Variants in TBCD observed in about 807,000 individuals in gnomAD.
The protein encoded by TBCD is tubulin folding cofactor D.
Under a neutral mutation model 169.3 loss-of-function variants are expected in TBCD, and 105 were observed. The observed-to-expected ratio is 0.62, with a 90% CI of 0.53 to 0.73. TBCD has a LOEUF of 0.73. Among genes scored for constraint, TBCD ranks in the 30% least tolerant of loss-of-function variants. The pLI is 0.00. For synonymous variants in TBCD, 700 were observed against 643.9 expected (o/e 1.09, Z -1.32); for missense variants, 1,444 against 1,600.1 (o/e 0.90, Z 1.66).
At position 82,927,886 on chromosome 17, in the gene TBCD, C is replaced by G. The variant is rs1319462598; in HGVS notation, c.2610-19C>G. 1.2e-6 allele frequency: 2 copies of G among 1,611,016 alleles called. No homozygotes were observed. The highest frequency in any genetic ancestry group is 2.2e-5 in the South Asian group (2 of 91,026). ...CCCCCTCTCAAGCTGGGTGTCTCTG[C>G]CTCTCCTTGTCCCATCAGGGTCCGC... On this transcript the variant is annotated intron_variant, in intron 29 of 38. Transcript: ENST00000355528.
chr17:82,800,126 C>A (rs191874328), intron 8 of TBCD, among the ~76,000 whole-genome samples: 5 of 151,822 alleles, frequency 3.3e-5, no homozygotes, highest in African/African-American at 1.2e-4. Context: ...TTTCTCCTGT[C>A]CCCTGTCAGT....
chr17:82,814,181 T>C (rs1249438808), intron 12 of TBCD, among the ~76,000 whole-genome samples: 1 of 152,252 alleles, frequency 6.6e-6, no homozygotes, highest in Non-Finnish European at 1.5e-5. Flanking sequence ...TAGCATTTAA[T>C]TCTGAGTTTG....
At chr17:82,771,944 AAAAC>A (rs2048333390) in intron 5 of TBCD, among the ~76,000 whole-genome samples, 1 of 152,258 alleles carries the variant, frequency 6.6e-6, no homozygotes, top group Non-Finnish European at 1.5e-5. Context: ...AACAAAAACA[AAAAC>A]AAAAAATATA....
At chr17:82,938,741 GAGAGCAGGCGAGATTGCTTCCCTGAT>G (rs1568102997) in intron 36 of TBCD, among the ~76,000 whole-genome samples, 7 of 146,030 alleles carry the variant, frequency 4.8e-5, no homozygotes, top group African/African-American at 1.0e-4. Flanking sequence ...CACTCAAAAA[GAGAGCAGGCGAGATTGCTTCCCTGAT>G]GAAAAGAGAG....
At chr17:82,837,347 G>C (rs1598827832) in intron 13 of TBCD, among the ~76,000 whole-genome samples, 1 of 152,222 alleles carries the variant, frequency 6.6e-6, no homozygotes, top group Non-Finnish European at 1.5e-5. Context: ...TACTCTGGCA[G>C]CTGCTGGTGT....
intron 9 of TBCD, among the ~76,000 whole-genome samples, chr17:82,801,779 G>A (rs556038107): frequency 2.0e-5 from 3 of 147,034 alleles, no homozygotes; most frequent in Admixed American, 6.8e-5. Flanking sequence ...GCAGGAGGGC[G>A]GCGTGTGCAT....
intron 13 of TBCD, among the ~76,000 whole-genome samples, chr17:82,829,137 A>G (rs2053242885): frequency 6.6e-6 from 1 of 151,656 alleles, no homozygotes; most frequent in Non-Finnish European, 1.5e-5. Context: ...GCACACCCAC[A>G]CAATAGAATG....
intron 6 of TBCD, among the ~76,000 whole-genome samples, chr17:82,776,672 C>T (rs1317360): frequency 0.017 from 2,552 of 152,184 alleles, 73 homozygotes; most frequent in African/African-American, 0.058. Flanking sequence ...CAGTCACGGA[C>T]GCCTGGGTTT....
chr17:82,912,369 T>C (rs1321308581), intron 23 of TBCD, among the ~76,000 whole-genome samples: 1 of 152,292 alleles, frequency 6.6e-6, no homozygotes, highest in South Asian at 2.1e-4. Flanking sequence ...CTGATTCTTT[T>C]TTAGCATGTG....
At chr17:82,911,592 C>T (rs1372036635) in intron 22 of TBCD, among the ~76,000 whole-genome samples, 166 bp from the exon 23 acceptor site, 1 of 152,204 alleles carries the variant, frequency 6.6e-6, no homozygotes, top group East Asian at 1.9e-4. Context: ...GGCTGTACCA[C>T]GTTTTTTCCT....
chr17:82,896,888 G>C (rs564363436), intron 17 of TBCD, among the ~76,000 whole-genome samples: 24 of 152,178 alleles, frequency 1.6e-4, no homozygotes, highest in African/African-American at 4.6e-4. Context: ...GGTCTTTCAA[G>C]CTCGGGGTCC....
At position 82,842,779 on chromosome 17, in the gene TBCD, TC is replaced by T. The variant is rs1225871635; in HGVS notation, c.1319-27444del. 6.8e-5 allele frequency among the ~76,000 whole-genome samples: 10 copies of T among 147,638 alleles called. No homozygotes were observed. In the South Asian group the frequency reaches 2.0e-3, roughly 29 times the overall value. ...GCAAGTGTTCTTCATTTTCTTTCTT[TC>T]TTTTTTTTTTTTTTTTTTGAGATGG... On this transcript the variant is annotated intron_variant, in intron 13 of 38. Coordinates refer to ENST00000355528, the MANE Select transcript of TBCD (RefSeq NM_005993.5).
intron 13 of TBCD, among the ~76,000 whole-genome samples, chr17:82,817,222 C>T (rs990491338): frequency 3.3e-5 from 5 of 152,088 alleles, no homozygotes; most frequent in Non-Finnish European, 5.9e-5. Context: ...CCTTGATCTC[C>T]TGGGCTCAAG....
chr17:82,756,348 C>A, intron 2 of TBCD, 133 bp downstream of exon 2: 2 of 976,182 alleles, frequency 2.0e-6, no homozygotes, highest in Non-Finnish European at 3.1e-6. Flanking sequence ...GCTTGCCTGG[C>A]TGGTTGGTTT....
chr17:82,941,356 C>T lies in TBCD; in HGVS notation c.3480-43C>T, dbSNP rs746898402. 7.5e-5 allele frequency: 113 copies of T among 1,509,584 alleles called. 1 individual carries two copies. The Middle Eastern group carries it at 8.5e-4, about 11-fold the overall frequency. 93.5% of individuals were successfully genotyped at this position (1,509,584 alleles called of 1,614,324 possible). ...GGACCTCCGCACACCTGAGGTTCTCCGGTGGGCACTCGAGAGACTCACGGC... is the reference window on the plus strand; with the variant it reads ...GGACCTCCGCACACCTGAGGTTCTCTGGTGGGCACTCGAGAGACTCACGGC... On this transcript the variant is annotated intron_variant, in intron 37 of 38. Transcript: ENST00000355528.
chr17:82,752,077 T>C lies in TBCD; in HGVS notation c.-117T>C. ...GTCGCGGGGCGGGGCCAGCGTCGGTTGCCGCCTTAGCGGGCGCCTCCTTTT... is the reference window on the plus strand; with the variant it reads ...GTCGCGGGGCGGGGCCAGCGTCGGTCGCCGCCTTAGCGGGCGCCTCCTTTT... On this transcript the variant is annotated 5_prime_UTR_variant, in exon 1 of 39. Coordinates refer to ENST00000355528, the MANE Select transcript of TBCD (RefSeq NM_005993.5). 1 of 1,217,204 alleles carries C rather than the reference T, an allele frequency of 8.2e-7. No individual in the cohort carries two copies. 75.4% of individuals were successfully genotyped at this position (1,217,204 alleles called of 1,614,324 possible). A position where few individuals can be genotyped will look rare whatever the true frequency, so the allele number is the denominator to read the frequency against.
At chr17:82,784,490 G>A (rs1231617727) in intron 7 of TBCD, among the ~76,000 whole-genome samples, 1 of 152,200 alleles carries the variant, frequency 6.6e-6, no homozygotes, top group Non-Finnish European at 1.5e-5. Context: ...GAGGACTCAG[G>A]TCTCGGACGT....
intron 1 of TBCD, among the ~76,000 whole-genome samples, chr17:82,752,825 G>C (rs2047182321): frequency 1.3e-5 from 2 of 152,214 alleles, no homozygotes; most frequent in Non-Finnish European, 2.9e-5. Flanking sequence ...TGTGTGGACA[G>C]GGAGATAGGG....
rs2057814647 is a variant in TBCD at position 82,874,359 on chromosome 17, C to T, written c.1475+3979C>T. The stretch of plus-strand genomic sequence containing the variant: ...GGCATGTGGCGGGGCCAGCGTTGGC[C>T]TGGGTCCCACTTGGCTTTGATCTCG... On this transcript the variant is annotated intron_variant, in intron 14 of 38. Transcript: ENST00000355528. This position sits in a 1 kb window ranked among gnomAD's most constrained non-coding sequence, Gnocchi z 5.0. 6.6e-6 allele frequency among the ~76,000 whole-genome samples: 1 copy of T among 151,954 alleles called. No individual in the cohort carries two copies. The highest frequency in any genetic ancestry group is 2.4e-5 in the African/African-American group (1 of 41,376).
Sources: gnomAD v4.1 joint callset for allele counts (sites outside exome capture counted in the v4.1 genomes callset) on GRCh38, gnomAD v4.1.1 for gene constraint, Gnocchi (gnomAD v3.1) non-coding constraint, MANE v1.5 for transcripts, NCBI Gene and HGNC (gene_info 2026-07-23, HGNC 2026-07-21) for gene names.